DPP6: variants seen among roughly 807,000 people sequenced by gnomAD.
DPP6 encodes the protein A-type potassium channel modulatory protein DPP6.
Under a neutral mutation model 122.6 loss-of-function variants are expected in DPP6, and 69 were observed. The ratio of observed to expected loss-of-function variants is 0.56; its 90% CI spans 0.46 to 0.69. The LOEUF (loss-of-function observed/expected upper bound fraction) is 0.69. DPP6 is among the 30% of genes least tolerant of loss of function. The pLI is 0.00. For synonymous variants in DPP6, 418 were observed against 433.1 expected (o/e 0.97, Z 0.43); for missense variants, 928 against 1,116.9 (o/e 0.83, Z 2.41).
the DPP6 span, among the ~76,000 whole-genome samples, chr7:153,763,396 G>T: frequency 5.4e-5 from 6 of 111,514 alleles, no homozygotes; most frequent in African/African-American, 1.8e-4. Flanking sequence ...AAAAAAAAAG[G>T]TCTTCTGAAT....
At chr7:154,729,368 C>T (rs574288120) in intron 8 of DPP6, among the ~76,000 whole-genome samples, 2 of 152,126 alleles carry the variant, frequency 1.3e-5, no homozygotes, top group African/African-American at 2.4e-5. Flanking sequence ...CTTTATGCAT[C>T]ATAAATTATA....
rs1327127843 is a variant in DPP6, at chr7:154,063,219, G to A, written c.243+10156G>A. On this transcript the variant is annotated intron_variant, in intron 1 of 25. Transcript: ENST00000377770. ...CAGGGTTGGGGAGGCACCCCCCCGCGAGGCAGGGACTGAGAGCCAGCCCCT... is the reference window on the plus strand; with the variant it reads ...CAGGGTTGGGGAGGCACCCCCCCGCAAGGCAGGGACTGAGAGCCAGCCCCT... Among the ~76,000 whole-genome samples the A allele has an allele frequency of 7.0e-5, 9 of 129,422 alleles. 1 individual carries two copies. The South Asian group carries it at 2.3e-3, about 33-fold the overall frequency. 84.9% of individuals were successfully genotyped at this position (129,422 alleles called of 152,430 possible).
chr7:154,697,594 C>T (rs564085634), intron 7 of DPP6, among the ~76,000 whole-genome samples: 3 of 152,298 alleles, frequency 2.0e-5, no homozygotes, highest in South Asian at 2.1e-4. Flanking sequence ...CACATGGATA[C>T]GTTATGGGAG....
Position 154,417,923 on chromosome 7 carries a change from A to T in DPP6, c.244-28291A>T, listed in dbSNP as rs374247629. On this transcript the variant is annotated intron_variant, in intron 1 of 25. Transcript: ENST00000377770. Reference sequence around the variant, plus strand: ...GGCCATTACAATACATTGACAGAATATTATTACCCTTCCTCAAAATCATTT... The same window carrying T: ...GGCCATTACAATACATTGACAGAATTTTATTACCCTTCCTCAAAATCATTT... 1.2e-4 allele frequency among the ~76,000 whole-genome samples: 19 copies of T among 152,336 alleles called. No homozygotes were observed. In the East Asian group the frequency reaches 2.7e-3, roughly 22 times the overall value.
At chr7:154,649,801 C>A (rs936997) in intron 6 of DPP6, among the ~76,000 whole-genome samples, 114,008 of 152,080 alleles carry the variant, frequency 0.75, 44,847 homozygotes, top group Non-Finnish European at 0.87. Flanking sequence ...ACATATCAGC[C>A]GCGAAGACAA....
the DPP6 span, among the ~76,000 whole-genome samples, chr7:153,850,603 A>G: frequency 6.6e-6 from 1 of 152,152 alleles, no homozygotes; most frequent in Non-Finnish European, 1.5e-5. Context: ...GTAATTTATA[A>G]AGGAAAGAGG....
At chr7:153,871,058 C>G in the DPP6 span, among the ~76,000 whole-genome samples, 18 of 152,284 alleles carry the variant, frequency 1.2e-4, no homozygotes, top group African/African-American at 3.8e-4. Context: ...CAGTCTGCCC[C>G]TCCTAGGGGA....
chr7:153,829,427 G>T, the DPP6 span, among the ~76,000 whole-genome samples: 2 of 152,038 alleles, frequency 1.3e-5, no homozygotes, highest in African/African-American at 4.8e-5. Flanking sequence ...TGTTGGTCAG[G>T]CTGGTCTCCA....
In DPP6 at chr7:154,061,973, C is replaced by T. The variant is rs1284986151; in HGVS notation, c.243+8910C>T. On this transcript the variant is annotated intron_variant, in intron 1 of 25. Coordinates refer to ENST00000377770, the MANE Select transcript of DPP6 (RefSeq NM_130797.4). ...ACCCTGCGAGGGTGGGGACTGAGAG[C>T]TATCCCCTCTTCCGCCCCTGGCTGT... Among the ~76,000 whole-genome samples, 448 of 126,796 alleles carry T rather than the reference C, an allele frequency of 3.5e-3. 48 individuals are homozygous for T. Among genetic ancestry groups the T allele is most frequent in the Non-Finnish European group, 5.5e-3 (322 of 58,934 alleles). 83.2% of individuals were successfully genotyped at this position (126,796 alleles called of 152,430 possible). A position where few individuals can be genotyped will look rare whatever the true frequency, so the allele number is the denominator to read the frequency against.
chr7:154,545,773 A>G (rs192412681), intron 4 of DPP6, among the ~76,000 whole-genome samples: 1 of 152,338 alleles, frequency 6.6e-6, no homozygotes, highest in Admixed American at 6.5e-5. Flanking sequence ...AGAATTTCTA[A>G]GAACAGTTCT....
rs939737204 is a variant in DPP6 at position 153,902,966 on chromosome 7, A to G, written c.51+15232A>G. On this transcript the variant is annotated intron_variant, in intron 1 of 25. Coordinates refer to the DPP6 transcript ENST00000404039. ...ATTTCTAGCTTGTATTAGTCCTTAC[A>G]AGCCAGAGCATTCAAATGAGTAACC... 5.3e-5 allele frequency among the ~76,000 whole-genome samples: 8 copies of G among 152,218 alleles called. No homozygotes were observed. The East Asian group carries it at 5.8e-4, about 11-fold the overall frequency.
At chr7:154,752,901 G>A (rs55674546) in intron 8 of DPP6, among the ~76,000 whole-genome samples, 14,288 of 152,176 alleles carry the variant, frequency 0.094, 921 homozygotes, top group Non-Finnish European at 0.14. Flanking sequence ...TAGTGAACGG[G>A]ATTTCCACCT....
At chr7:153,900,048 G>A (rs1585003417) in intron 1 of DPP6, among the ~76,000 whole-genome samples, 2 of 152,190 alleles carry the variant, frequency 1.3e-5, no homozygotes, top group East Asian at 1.9e-4. Context: ...CATCAGCTGG[G>A]AGCTTTAGAA....
At chr7:154,706,275 C>G (rs1035625984) in intron 7 of DPP6, among the ~76,000 whole-genome samples, 8 of 152,182 alleles carry the variant, frequency 5.3e-5, no homozygotes, top group Admixed American at 4.6e-4. Flanking sequence ...CCCAGGGCCT[C>G]GGTGAACGTG....
At chr7:154,204,973 G>A (rs1380801599) in intron 1 of DPP6, among the ~76,000 whole-genome samples, 1 of 152,168 alleles carries the variant, frequency 6.6e-6, no homozygotes, top group East Asian at 1.9e-4. Context: ...GGCGTTAGAT[G>A]ACAGCTTAGA....
chr7:154,312,510 G>T (rs1283346283), intron 1 of DPP6, among the ~76,000 whole-genome samples: 2 of 152,196 alleles, frequency 1.3e-5, no homozygotes, highest in African/African-American at 2.4e-5. Context: ...AAGAAAAACT[G>T]CTTTCCCCAG....
At chr7:154,046,428 G>T (rs1048754648) in intron 1 of DPP6, among the ~76,000 whole-genome samples, 1 of 152,172 alleles carries the variant, frequency 6.6e-6, no homozygotes, top group Non-Finnish European at 1.5e-5. Flanking sequence ...AGTAGTATTT[G>T]CTGAACAACA....
At chr7:154,287,975 C>T (rs777112965) in intron 1 of DPP6, among the ~76,000 whole-genome samples, 6 of 152,086 alleles carry the variant, frequency 3.9e-5, no homozygotes, top group Non-Finnish European at 7.4e-5. Context: ...AAAATAAGTC[C>T]GGTAAAAATG....
chr7:154,067,907 G>GT (rs142049299), intron 1 of DPP6, among the ~76,000 whole-genome samples: 3,275 of 142,464 alleles, frequency 0.023, 177 homozygotes, highest in African/African-American at 0.087. Context: ...GTTTTTTTTT[G>GT]TTTTTTTTTT....
Sources: gnomAD v4.1 joint callset for allele counts (sites outside exome capture counted in the v4.1 genomes callset) on GRCh38, gnomAD v4.1.1 for gene constraint, MANE v1.5 for transcripts, NCBI Gene and HGNC (gene_info 2026-07-23, HGNC 2026-07-21) for gene names.